Variants in MSANTD3 observed in about 807,000 individuals in gnomAD.
MSANTD3 encodes the protein Myb/SANT DNA binding domain containing 3.
In MSANTD3, 11 loss-of-function variants were observed where a neutral mutation model predicts 27.7. That is an observed-to-expected ratio of 0.40 (90% confidence interval 0.25 to 0.66). The LOEUF is 0.66. Ranked by LOEUF, MSANTD3 falls within the 30% of genes least tolerant of loss-of-function variation. The probability of loss-of-function intolerance (pLI) is 0.41; values close to 1 mark genes in which losing one functional copy is unlikely to be tolerated. For synonymous variants in MSANTD3, 131 were observed against 127.2 expected (o/e 1.03, Z -0.20); for missense variants, 250 against 336.5 (o/e 0.74, Z 2.01).
Position 100,450,667 on chromosome 9 carries a change from A to T in MSANTD3, c.529A>T (p.Ile177Leu). 6.2e-7 allele frequency: 1 copy of T among 1,614,190 alleles called. No individual in the cohort carries two copies. The highest frequency in any genetic ancestry group is 8.5e-7 in the Non-Finnish European group (1 of 1,180,022). ...QPEPSCSAVR[I>L]TANKNYRSKT... ...TGAACCCTCGTGTTCAGCTGTCAGAATAACAGCCAATAAAAACTACAGGAG... is the reference window on the plus strand; with the variant it reads ...TGAACCCTCGTGTTCAGCTGTCAGATTAACAGCCAATAAAAACTACAGGAG... The change falls in exon 3 of 3, where the codon ATA (isoleucine) becomes TTA (leucine). Residue 177 changes from isoleucine (I) to leucine (L), a missense_variant. By Grantham distance (5) the Ile-to-Leu change is conservative. Around this residue, in one of 3 missense-constraint regions of MSANTD3, gnomAD observed 235 missense variants for 299.3 expected, o/e 0.79. Coordinates refer to ENST00000395067, the MANE Select transcript of MSANTD3 (RefSeq NM_080655.3).
At chr9:100,438,000 T>C (rs540536532) in intron 1 of MSANTD3, among the ~76,000 whole-genome samples, 1 of 152,184 alleles carries the variant, frequency 6.6e-6, no homozygotes, top group East Asian at 1.9e-4. Context: ...ACTGGCCACA[T>C]GTAGGGCAAG....
rs73655548 is a variant in MSANTD3 at position 100,441,787 on chromosome 9, A to G, written c.-33-119A>G. The G allele has an allele frequency of 1.4e-4, 166 of 1,153,538 alleles. No individual in the cohort carries two copies. The African/African-American group carries it at 2.4e-3, about 17-fold the overall frequency. 71.5% of individuals were successfully genotyped at this position (1,153,538 alleles called of 1,614,324 possible). On this transcript the variant is annotated intron_variant, in intron 1 of 2. Coordinates refer to ENST00000395067, the MANE Select transcript of MSANTD3 (RefSeq NM_080655.3). ...TCCTGAATATCATAATTCAACCTTA[A>G]TGGAAAAGAAAGTACTGTATTTCAG...
chr9:100,433,652 G>A (rs552858280), intron 1 of MSANTD3, among the ~76,000 whole-genome samples: 2 of 152,302 alleles, frequency 1.3e-5, no homozygotes, highest in Admixed American at 6.5e-5. Flanking sequence ...TGTGATTACA[G>A]ATGGTGATCA....
At chr9:100,444,292 A>G (rs1011057435) in intron 2 of MSANTD3, 3 of 152,088 alleles carry the variant, frequency 2.0e-5, no homozygotes, top group Admixed American at 2.0e-4. Context: ...CCAGTGTGGG[A>G]ATGTTGTGTC....
At chr9:100,437,899 A>G (rs561967343) in intron 1 of MSANTD3, among the ~76,000 whole-genome samples, 1 of 152,206 alleles carries the variant, frequency 6.6e-6, no homozygotes, top group South Asian at 2.1e-4. Flanking sequence ...GATATTGTGC[A>G]TATTAAACAT....
At chr9:100,450,480 A>G (rs191972614) in intron 2 of MSANTD3, 77 bp from the exon 3 acceptor site, 2 of 1,350,606 alleles carry the variant, frequency 1.5e-6, no homozygotes, top group Admixed American at 2.7e-5. Flanking sequence ...GGACCCTGTC[A>G]TTTGAAATAG....
chr9:100,434,991 G>T (rs1428198561), intron 1 of MSANTD3, among the ~76,000 whole-genome samples: 1 of 148,258 alleles, frequency 6.7e-6, no homozygotes. Flanking sequence ...ACACACACAC[G>T]TGCGCACACA....
intron 1 of MSANTD3, among the ~76,000 whole-genome samples, chr9:100,428,689 G>C (rs1302741938): frequency 2.0e-5 from 3 of 152,160 alleles, no homozygotes; most frequent in Non-Finnish European, 4.4e-5. Context: ...TCAGGTGATT[G>C]GGCCTCCTAA....
chr9:100,437,191 G>A (rs1051261286), intron 1 of MSANTD3, among the ~76,000 whole-genome samples: 1 of 152,104 alleles, frequency 6.6e-6, no homozygotes, highest in Non-Finnish European at 1.5e-5. Context: ...AGGATTATGG[G>A]CCCTAAGTTT....
At chr9:100,449,924 A>T (rs1348510823) in intron 2 of MSANTD3, among the ~76,000 whole-genome samples, 1 of 152,154 alleles carries the variant, frequency 6.6e-6, no homozygotes, top group Non-Finnish European at 1.5e-5. Flanking sequence ...AGTACCAGGG[A>T]CAGGTTAAAT....
At chr9:100,430,988 CTTTTTCTT>C (rs1161633872) in intron 1 of MSANTD3, among the ~76,000 whole-genome samples, 2 of 151,472 alleles carry the variant, frequency 1.3e-5, no homozygotes, top group African/African-American at 2.4e-5. Context: ...CCACTTTATT[CTTTTTCTT>C]TTTTTCTTTT....
rs1421769045 is a variant in MSANTD3, at chr9:100,451,558, A to G, written c.*592A>G. On this transcript the variant is annotated 3_prime_UTR_variant, in exon 3 of 3. Coordinates refer to ENST00000395067, the MANE Select transcript of MSANTD3 (RefSeq NM_080655.3). ...CCCAAAGTTTAGAAGGGTATTTTCT[A>G]ATGTGGCTCATAAACCACCTTTTAA... is the stretch of plus-strand genomic sequence containing the variant. 3.3e-5 allele frequency: 5 copies of G among 151,966 alleles called. No homozygotes were observed. The East Asian group carries it at 9.7e-4, about 29-fold the overall frequency. The allele number at this position is 151,966 out of a possible 1,614,324, so 9.4% of individuals were successfully genotyped here. A position where few individuals can be genotyped will look rare whatever the true frequency, so the allele number is the denominator to read the frequency against.
At chr9:100,430,443 G>C (rs971438320) in intron 1 of MSANTD3, among the ~76,000 whole-genome samples, 1 of 152,112 alleles carries the variant, frequency 6.6e-6, no homozygotes, top group Admixed American at 6.6e-5. Context: ...AATACATGGA[G>C]AGAATGAGGG....
chr9:100,448,976 AG>A, intron 2 of MSANTD3: 1 of 985,344 alleles, frequency 1.0e-6, no homozygotes, highest in Non-Finnish European at 1.2e-6. Flanking sequence ...TTTTATTAAC[AG>A]GGTATTATGA....
chr9:100,430,324 CA>C (rs35854801), intron 1 of MSANTD3, among the ~76,000 whole-genome samples: 19,945 of 95,968 alleles, frequency 0.21, 1,409 homozygotes, highest in Middle Eastern at 0.32. Flanking sequence ...GACTCTGTGT[CA>C]AAAAAAAAAA....
At position 100,450,697 on chromosome 9, in the gene MSANTD3, A is replaced by C. The variant is rs777386338; in HGVS notation, c.559A>C (p.Thr187Pro). 6.2e-7 allele frequency: 1 copy of C among 1,614,036 alleles called. No individual in the cohort carries two copies. Among genetic ancestry groups the C allele is most frequent in the Admixed American group, 1.7e-5 (1 of 60,006 alleles). The change falls in exon 3 of 3, where the codon ACC (threonine) becomes CCC (proline). Residue 187 changes from threonine (T) to proline (P), a missense_variant. Physicochemically the swap from Thr to Pro is conservative, Grantham distance 38. Around this residue, in one of 3 missense-constraint regions of MSANTD3, gnomAD observed 235 missense variants for 299.3 expected, o/e 0.79. Coordinates refer to ENST00000395067, the MANE Select transcript of MSANTD3 (RefSeq NM_080655.3). ...ITANKNYRSK[T>P]SQEGALKKMH... ...AGCCAATAAAAACTACAGGAGCAAA[A>C]CCTCTCAGGAAGGTGCTTTAAAAAA...
intron 1 of MSANTD3, among the ~76,000 whole-genome samples, chr9:100,432,448 T>C (rs562609397): frequency 6.6e-6 from 1 of 152,336 alleles, no homozygotes; most frequent in South Asian, 2.1e-4. Flanking sequence ...TTCTTTGAAC[T>C]GTAATGATGT....
rs371590752 is a variant in MSANTD3 at position 100,441,028 on chromosome 9, C to T, written c.-33-878C>T. Among the ~76,000 whole-genome samples, 28 of 149,068 alleles carry T rather than the reference C, an allele frequency of 1.9e-4. 1 individual carries two copies. In the East Asian group the frequency reaches 4.7e-3, roughly 25 times the overall value. ...TTGGCTCACTGCAACCTCCACCTCC[C>T]GGGTTCAAGTAGTTCTCCTGCCTCA... On this transcript the variant is annotated intron_variant, in intron 1 of 2. Transcript: ENST00000395067.
chr9:100,428,977 G>A (rs1331015355), intron 1 of MSANTD3, among the ~76,000 whole-genome samples: 1 of 152,146 alleles, frequency 6.6e-6, no homozygotes, highest in Non-Finnish European at 1.5e-5. Flanking sequence ...GGAGAAGAAG[G>A]AGCTGAGGAC....
Sources: gnomAD v4.1 joint callset for allele counts (sites outside exome capture counted in the v4.1 genomes callset) on GRCh38, gnomAD v4.1.1 for gene constraint, gnomAD v4.1.1 regional missense constraint, MANE v1.5 for transcripts, NCBI Gene and HGNC (gene_info 2026-07-23, HGNC 2026-07-21) for gene names.